The following PEX14 variants were observed in gnomAD, a reference collection of about 807,000 sequenced individuals.
PEX14 encodes peroxisomal membrane protein PEX14.
A neutral mutation model predicts 49.5 loss-of-function variants in PEX14; 15 were observed. The ratio of observed to expected loss-of-function variants is 0.30; its 90% CI spans 0.20 to 0.47. PEX14 has a LOEUF of 0.47. Among genes scored for constraint, PEX14 ranks in the 20% least tolerant of loss-of-function variants. PEX14 has a pLI of 1.00. For missense variants in PEX14, 398 were observed against 494.8 expected (o/e 0.80, Z 1.86); for synonymous variants, 210 against 212.7 (o/e 0.99, Z 0.11).
rs115674239 is a variant in PEX14 at position 10,552,981 on chromosome 1, G to A, written c.169+16684G>A. Among the ~76,000 whole-genome samples, 457 of 152,318 alleles carry A rather than the reference G, an allele frequency of 3.0e-3. 2 individuals are homozygous for A. The highest frequency in any genetic ancestry group is 0.01 in the African/African-American group (420 of 41,570). On this transcript the variant is annotated intron_variant, in intron 3 of 8. Coordinates refer to ENST00000356607, the MANE Select transcript of PEX14 (RefSeq NM_004565.3). ...ATCGAGGAGACAGCTTGGAAAGGTG[G>A]GCAAAGGTGGGATCAGGGAAGACCT...
At position 10,542,653 on chromosome 1, in the gene PEX14, C is replaced by T. The variant is rs1011140578; in HGVS notation, c.169+6356C>T. 3.3e-5 allele frequency among the ~76,000 whole-genome samples: 5 copies of T among 152,082 alleles called. No individual in the cohort carries two copies. In the South Asian group the frequency reaches 6.2e-4, roughly 19 times the overall value. On this transcript the variant is annotated intron_variant, in intron 3 of 8. Coordinates refer to ENST00000356607, the MANE Select transcript of PEX14 (RefSeq NM_004565.3). The stretch of plus-strand genomic sequence containing the variant: ...GTATGCGCCTGTAGTCCCAGCTACT[C>T]GCGAGGCTGAGGCAGGAGAATCGCT...
chr1:10,507,742 C>T (rs190897142), intron 2 of PEX14, among the ~76,000 whole-genome samples: 4 of 152,240 alleles, frequency 2.6e-5, no homozygotes, highest in East Asian at 1.9e-4. Flanking sequence ...CACTGGAATC[C>T]GCATAAGTAA....
At chr1:10,526,213 C>T (rs983309824) in intron 2 of PEX14, among the ~76,000 whole-genome samples, 10 of 149,982 alleles carry the variant, frequency 6.7e-5, no homozygotes, top group Non-Finnish European at 1.2e-4. Context: ...AGCCACTGCG[C>T]CCGGCTGATT....
intron 2 of PEX14, among the ~76,000 whole-genome samples, chr1:10,521,284 A>G (rs1638287152): frequency 6.7e-6 from 1 of 149,536 alleles, no homozygotes. Context: ...ATCTCCTCCC[A>G]TTTTCCCTAA....
intron 8 of PEX14, 65 bp downstream of exon 8, chr1:10,627,428 G>A: frequency 2.6e-6 from 3 of 1,158,900 alleles, no homozygotes; most frequent in East Asian, 2.3e-5. Context: ...GAGCTCTGGG[G>A]CATGGGAGGG....
At chr1:10,604,495 C>T (rs78344309) in intron 4 of PEX14, among the ~76,000 whole-genome samples, 6,614 of 152,122 alleles carry the variant, frequency 0.043, 183 homozygotes, top group Middle Eastern at 0.12. Flanking sequence ...CATGGTGGTG[C>T]GTGTACTTGG....
chr1:10,612,912 C>T (rs561163669), intron 4 of PEX14, among the ~76,000 whole-genome samples: 1 of 152,326 alleles, frequency 6.6e-6, no homozygotes, highest in South Asian at 2.1e-4. Context: ...AGCCTGGAGG[C>T]GACCTCAATG....
chr1:10,554,133 CAAAAAAAAAA>C (rs33963510), intron 3 of PEX14, among the ~76,000 whole-genome samples: 1 of 111,084 alleles, frequency 9.0e-6, no homozygotes, highest in Non-Finnish European at 1.8e-5. Context: ...ACTAAAAATA[CAAAAAAAAAA>C]AAAAAAAAAA....
intron 3 of PEX14, among the ~76,000 whole-genome samples, chr1:10,575,588 GA>G (rs1387291593): frequency 2.0e-5 from 3 of 151,976 alleles, no homozygotes; most frequent in African/African-American, 7.2e-5. Context: ...AAGAAGCCCT[GA>G]AAAAAAATTT....
chr1:10,508,580 C>A (rs544322630), intron 2 of PEX14, among the ~76,000 whole-genome samples: 15 of 152,290 alleles, frequency 9.8e-5, no homozygotes, highest in South Asian at 2.1e-4. Context: ...TCCCTCCCCC[C>A]CAGAAGTGCA....
intron 1 of PEX14, among the ~76,000 whole-genome samples, chr1:10,481,888 A>G (rs1641289533): frequency 7.0e-6 from 1 of 143,220 alleles, no homozygotes; most frequent in Admixed American, 7.2e-5. Context: ...CAGTGGTACG[A>G]TTTCGGCTCA....
intron 1 of PEX14, among the ~76,000 whole-genome samples, chr1:10,492,959 C>A (rs1641496112): frequency 6.6e-6 from 1 of 152,158 alleles, no homozygotes; most frequent in Non-Finnish European, 1.5e-5. Context: ...GAGATCTGAC[C>A]TAGTCATGGA....
chr1:10,489,259 G>T (rs1339109072), intron 1 of PEX14, among the ~76,000 whole-genome samples: 1 of 152,230 alleles, frequency 6.6e-6, no homozygotes, highest in Non-Finnish European at 1.5e-5. Flanking sequence ...GGGATTACAG[G>T]CGTGAGCTAC....
intron 2 of PEX14, among the ~76,000 whole-genome samples, chr1:10,522,367 A>G (rs574290058): frequency 2.4e-4 from 36 of 152,250 alleles, no homozygotes; most frequent in Non-Finnish European, 3.5e-4. Flanking sequence ...GGTTCAGGAA[A>G]GTAGATTTCA....
At chr1:10,500,866 C>T (rs1175866336) in intron 2 of PEX14, among the ~76,000 whole-genome samples, 4 of 152,178 alleles carry the variant, frequency 2.6e-5, no homozygotes, top group African/African-American at 4.8e-5. Flanking sequence ...TGAGCCACCA[C>T]GTCCGGCCCC....
At position 10,629,758 on chromosome 1, in the gene PEX14, T is replaced by G; in HGVS notation, c.905T>G (p.Val302Gly). 2 of 1,583,946 alleles carry G rather than the reference T, an allele frequency of 1.3e-6. No individual in the cohort carries two copies. The highest frequency in any genetic ancestry group is 1.7e-6 in the Non-Finnish European group (2 of 1,164,638). ...GGCCCCCAGGAGGAAGGCGAGGGGG[T>G]GGTGGACGTCAAGGGCCAGGTGCGG... Reference protein sequence around the residue: ...LLGPQEEGEGVVDVKGQVRME... With the variant: ...LLGPQEEGEGGVDVKGQVRME... Residue 302 changes from valine to glycine, a missense_variant, in exon 9 of 9, where the codon GTG (valine) becomes GGG (glycine). Val to Gly is a moderately radical substitution (Grantham distance 109, BLOSUM62 -3). This residue lies in a region of PEX14 where 140 missense variants were observed against 155.5 expected (regional missense o/e 0.90). Coordinates refer to ENST00000356607, the MANE Select transcript of PEX14 (RefSeq NM_004565.3). The surrounding 1 kb of genome is among the most constrained non-coding windows in gnomAD (Gnocchi z 8.5).
At position 10,510,232 on chromosome 1, in the gene PEX14, T is replaced by TA. The variant is rs551368875; in HGVS notation, c.84+14912dup. ...CTACACGTGCTGCTGGTGTCTTTCT[T>TA]AGTTCATGCCTCCTTGGCATGTCTA... On this transcript the variant is annotated intron_variant, in intron 2 of 8. Coordinates refer to ENST00000356607, the MANE Select transcript of PEX14 (RefSeq NM_004565.3). Among the ~76,000 whole-genome samples, 209 of 152,384 alleles carry TA rather than the reference T, an allele frequency of 1.4e-3. 1 individual carries two copies. Among genetic ancestry groups the TA allele is most frequent in the Non-Finnish European group, 2.6e-3 (176 of 68,032 alleles).
chr1:10,578,177 C>CT (rs1640207284), intron 3 of PEX14, among the ~76,000 whole-genome samples: 1 of 152,162 alleles, frequency 6.6e-6, no homozygotes, highest in Non-Finnish European at 1.5e-5. Flanking sequence ...ACATGCTAGA[C>CT]TAACTGCTGA....
Position 10,597,658 on chromosome 1 carries a change from G to C in PEX14, c.170-1580G>C, listed in dbSNP as rs1640867096. On this transcript the variant is annotated intron_variant, in intron 3 of 8. Transcript: ENST00000356607. This position sits in a 1 kb window ranked among gnomAD's most constrained non-coding sequence, Gnocchi z 5.7. ...CAGCCCACCAATCTGTTGAGAGCAT[G>C]GTGCTATCAGGGCAACCCGGTGGCT... 6.6e-6 allele frequency among the ~76,000 whole-genome samples: 1 copy of C among 152,182 alleles called. No homozygotes were observed.
Sources: gnomAD v4.1 joint callset for allele counts (sites outside exome capture counted in the v4.1 genomes callset) on GRCh38, gnomAD v4.1.1 for gene constraint, gnomAD v4.1.1 regional missense constraint, Gnocchi (gnomAD v3.1) non-coding constraint, MANE v1.5 for transcripts, NCBI Gene and HGNC (gene_info 2026-07-23, HGNC 2026-07-21) for gene names.